FAM227B: variants seen among roughly 807,000 people sequenced by gnomAD.
FAM227B encodes the protein protein FAM227B.
Under a neutral mutation model 73.8 loss-of-function variants are expected in FAM227B, and 88 were observed. The ratio of observed to expected loss-of-function variants is 1.19; its 90% CI spans 1.00 to 1.42. The LOEUF (loss-of-function observed/expected upper bound fraction) is 1.42, where lower values mean the gene tolerates loss of function less well. Ranked by LOEUF, FAM227B falls within the 40% of genes most tolerant of loss-of-function variation. The probability of loss-of-function intolerance (pLI) is 0.00; values close to 1 mark genes in which losing one functional copy is unlikely to be tolerated. For synonymous variants in FAM227B, 210 were observed against 190.5 expected (o/e 1.10, Z -0.84); for missense variants, 632 against 590.9 (o/e 1.07, Z -0.72).
intron 11 of FAM227B, 121 bp from the exon 12 acceptor site, chr15:49,371,520 TAAAG>T (rs1441086652): frequency 5.9e-6 from 3 of 506,806 alleles, no homozygotes; most frequent in Admixed American, 3.4e-5. Context: ...CAAACATGGA[TAAAG>T]AGTGTTAAGA....
intron 13 of FAM227B, among the ~76,000 whole-genome samples, chr15:49,361,894 C>T (rs1031949002): frequency 6.6e-6 from 1 of 152,130 alleles, no homozygotes; most frequent in Non-Finnish European, 1.5e-5. Context: ...TCTCTGCAAC[C>T]TCTCCAGAAT....
At chr15:49,422,137 A>AGAGAGAGAGAGAGAGAGAGAGAGAGG (rs1333253892) in intron 11 of FAM227B, among the ~76,000 whole-genome samples, 4 of 142,662 alleles carry the variant, frequency 2.8e-5, no homozygotes, top group Non-Finnish European at 1.6e-5. Context: ...AGAGAGAGAG[A>AGAGAGAGAGAGAGAGAGAGAGAGAGG]GAGAGAGAGT....
At chr15:49,398,261 A>G (rs2047853766) in intron 11 of FAM227B, among the ~76,000 whole-genome samples, 2 of 151,976 alleles carry the variant, frequency 1.3e-5, no homozygotes, top group Non-Finnish European at 1.5e-5. Flanking sequence ...AGGCCATTAC[A>G]TAATGGTAAA....
At chr15:49,466,214 C>G (rs2054253371) in intron 11 of FAM227B, among the ~76,000 whole-genome samples, 1 of 152,196 alleles carries the variant, frequency 6.6e-6, no homozygotes. Flanking sequence ...CCTGTTGGAT[C>G]AGACTTTCTG....
intron 13 of FAM227B, among the ~76,000 whole-genome samples, chr15:49,356,890 G>A (rs2043255095): frequency 7.3e-6 from 1 of 137,558 alleles, no homozygotes; most frequent in Non-Finnish European, 1.6e-5. Context: ...CTATCTCTCA[G>A]ACCACAGTGC....
intron 5 of FAM227B, among the ~76,000 whole-genome samples, chr15:49,580,518 G>A (rs529656078): frequency 1.3e-5 from 2 of 152,284 alleles, no homozygotes; most frequent in Non-Finnish European, 1.5e-5. Context: ...CACAGTTAAA[G>A]GAACATCAGC....
chr15:49,542,179 T>C (rs879791619), intron 9 of FAM227B, among the ~76,000 whole-genome samples: 1 of 152,180 alleles, frequency 6.6e-6, no homozygotes, highest in Non-Finnish European at 1.5e-5. Flanking sequence ...GTTTCTTATA[T>C]AGGTAAATTG....
chr15:49,510,471 C>T (rs77655895), intron 10 of FAM227B, among the ~76,000 whole-genome samples: 1,524 of 152,112 alleles, frequency 0.01, 14 homozygotes, highest in Middle Eastern at 0.037. Flanking sequence ...CCAAACTGCT[C>T]CCCCCACTAT....
intron 11 of FAM227B, among the ~76,000 whole-genome samples, chr15:49,466,863 C>G (rs2054310223): frequency 6.6e-6 from 1 of 152,110 alleles, no homozygotes; most frequent in Non-Finnish European, 1.5e-5. Context: ...CTTTCACTTT[C>G]ATTTCTGTGA....
chr15:49,371,046 G>C (rs1488939779), intron 12 of FAM227B, among the ~76,000 whole-genome samples: 2 of 152,118 alleles, frequency 1.3e-5, no homozygotes, highest in African/African-American at 4.8e-5. Context: ...GAGAAACAGT[G>C]ACAAGACATG....
intron 10 of FAM227B, among the ~76,000 whole-genome samples, chr15:49,526,935 TCA>T (rs1351348678): frequency 6.6e-6 from 1 of 151,700 alleles, no homozygotes; most frequent in Non-Finnish European, 1.5e-5. Context: ...CCAGACAAAT[TCA>T]CAGTCAAATG....
At chr15:49,548,106 G>C (rs1446608166) in intron 9 of FAM227B, among the ~76,000 whole-genome samples, 1 of 152,082 alleles carries the variant, frequency 6.6e-6, no homozygotes, top group Non-Finnish European at 1.5e-5. Context: ...AGATCTTAGA[G>C]GAAAAACTTT....
At chr15:49,396,414 T>C (rs531535614) in intron 11 of FAM227B, 4 of 201,846 alleles carry the variant, frequency 2.0e-5, no homozygotes, top group Non-Finnish European at 3.1e-5. Flanking sequence ...GCAGCGAGGC[T>C]GGGGGAGGGG....
At chr15:49,573,038 G>T (rs2075219926) in intron 8 of FAM227B, among the ~76,000 whole-genome samples, 1 of 146,924 alleles carries the variant, frequency 6.8e-6, no homozygotes, top group African/African-American at 2.5e-5. Context: ...TTCTCTTTCT[G>T]GAGAACTTTC....
intron 13 of FAM227B, among the ~76,000 whole-genome samples, chr15:49,349,910 A>G (rs1483996300): frequency 6.6e-6 from 1 of 152,194 alleles, no homozygotes; most frequent in Non-Finnish European, 1.5e-5. Context: ...AAGGGGAAAA[A>G]AAATCCAACC....
chr15:49,551,067 G>A lies in FAM227B; in HGVS notation c.748-9261C>T, dbSNP rs577709218. 9.3e-4 allele frequency among the ~76,000 whole-genome samples: 142 copies of A among 152,368 alleles called. 5 individuals carry two copies. In the South Asian group the frequency reaches 0.026, roughly 28 times the overall value. ...GGCCGAGGCTGGCGGATCACTCGCC[G>A]CTAGGAGCTGGAGACCAGCCCAGCC... On this transcript the variant is annotated intron_variant, in intron 9 of 15. Transcript: ENST00000299338.
intron 9 of FAM227B, among the ~76,000 whole-genome samples, chr15:49,566,859 G>GA (rs57597748): frequency 0.055 from 8,301 of 152,120 alleles, 327 homozygotes; most frequent in East Asian, 0.13. Context: ...TCAGAATCCA[G>GA]AAAAAATCAA....
chr15:49,391,160 C>T (rs1180823061), intron 11 of FAM227B, among the ~76,000 whole-genome samples: 1 of 152,038 alleles, frequency 6.6e-6, no homozygotes, highest in African/African-American at 2.4e-5. Flanking sequence ...TCAAATTAAT[C>T]TACCTCTATT....
At chr15:49,527,419 A>C (rs1410808969) in intron 10 of FAM227B, among the ~76,000 whole-genome samples, 3 of 151,970 alleles carry the variant, frequency 2.0e-5, no homozygotes, top group African/African-American at 7.2e-5. Context: ...AATGGGAAAA[A>C]GCTGGAAACA....
Sources: allele counts gnomAD v4.1 joint callset (sites outside exome capture counted in the v4.1 genomes callset), GRCh38; gene constraint gnomAD v4.1.1; transcripts MANE v1.5; gene names NCBI Gene and HGNC (gene_info 2026-07-23, HGNC 2026-07-21).